Variants in ZNF28 observed in about 807,000 individuals in gnomAD.
The protein encoded by ZNF28 is zinc finger protein KOX24.
A neutral mutation model predicts 7.2 loss-of-function variants in ZNF28; 5 were observed. That is an observed-to-expected ratio of 0.70 (90% CI 0.36 to 1.46). The LOEUF (loss-of-function observed/expected upper bound fraction) is 1.46, where lower values mean the gene tolerates loss of function less well. Among genes scored for constraint, ZNF28 ranks in the 40% most tolerant of loss-of-function variants. The pLI, the probability that ZNF28 is intolerant of heterozygous loss-of-function variation, is 0.03. For synonymous variants in ZNF28, 288 were observed against 292.4 expected (o/e 0.99, Z 0.15); for missense variants, 879 against 866.6 (o/e 1.01, Z -0.18).
intron 2 of ZNF28, among the ~76,000 whole-genome samples, chr19:52,813,249 G>GAAAAAAAAAAAAAAAAAAAAAAA (rs71183837): frequency 1.6e-5 from 1 of 62,984 alleles, no homozygotes; most frequent in African/African-American, 6.1e-5. Context: ...CTTGAATGGT[G>GAAAAAAAAAAAAAAAAAAAAAAA]AAAAAAAAAA....
chr19:52,803,411 G>A (rs1415716323), intron 3 of ZNF28, among the ~76,000 whole-genome samples: 1 of 152,142 alleles, frequency 6.6e-6, no homozygotes, highest in Non-Finnish European at 1.5e-5. Flanking sequence ...GGGAGTGTCA[G>A]TTATATTGCA....
Position 52,815,113 on chromosome 19 carries a change from A to G in ZNF28, c.15+2831T>C, listed in dbSNP as rs545759814. 2.1e-5 allele frequency among the ~76,000 whole-genome samples: 3 copies of G among 144,292 alleles called. No individual in the cohort carries two copies. The South Asian group carries it at 6.9e-4, about 33-fold the overall frequency. The allele number at this position is 144,292 out of a possible 152,430, so 94.7% of individuals were successfully genotyped here. On this transcript the variant is annotated intron_variant, in intron 2 of 3. Transcript: ENST00000457749. ...TGTATATATATATTTATATATATAT[A>G]TAAAGGTTTTTAAAATATAAAAAGT... is the stretch of plus-strand genomic sequence containing the variant.
At chr19:52,809,964 G>A in intron 2 of ZNF28, 2 of 797,240 alleles carry the variant, frequency 2.5e-6, no homozygotes, top group Non-Finnish European at 4.3e-6. Flanking sequence ...AGGGGACGAT[G>A]GGAACGGCCT....
rs145963589 is a variant in ZNF28 at position 52,799,993 on chromosome 19, G to T, written c.1852C>A (p.Gln618Lys). Residue 618 changes from glutamine (Q) to lysine (K), a missense_variant, in exon 4 of 4, where the codon CAG (glutamine) becomes AAG (lysine). By Grantham distance (53) the Gln-to-Lys change is moderately conservative (BLOSUM62 1). Around this residue, in one of 2 missense-constraint regions of ZNF28, gnomAD observed 864 missense variants for 830.2 expected, o/e 1.04. Transcript: ENST00000457749. ...KCNECGKTFRQTSSLIIHRRL... is the reference protein window; with the variant it reads ...KCNECGKTFRKTSSLIIHRRL... ...CGATGGATTATAAGCGATGATGTCT[G>T]ACGGAAGGTCTTGCCACACTCATTA... The T allele has an allele frequency of 1.2e-6, 2 of 1,612,818 alleles. No individual in the cohort carries two copies. The highest frequency in any genetic ancestry group is 2.2e-5 in the South Asian group (2 of 90,750).
At chr19:52,813,661 G>C (rs1191140701) in intron 2 of ZNF28, among the ~76,000 whole-genome samples, 2 of 142,954 alleles carry the variant, frequency 1.4e-5, no homozygotes. Context: ...AGATTGCCTG[G>C]TGATCTATTT....
chr19:52,802,692 T>G (rs903877511), intron 3 of ZNF28, among the ~76,000 whole-genome samples: 2 of 151,958 alleles, frequency 1.3e-5, no homozygotes, highest in African/African-American at 4.8e-5. Flanking sequence ...AAGGAAAATG[T>G]TAATACCATA....
chr19:52,816,989 G>T (rs963011526), intron 2 of ZNF28, among the ~76,000 whole-genome samples: 8 of 152,012 alleles, frequency 5.3e-5, no homozygotes, highest in Admixed American at 2.0e-4. Context: ...CCTCTCCACA[G>T]TAACACCATA....
chr19:52,810,588 G>A (rs76034899), intron 2 of ZNF28: 29,222 of 1,563,850 alleles, frequency 0.019, 700 homozygotes, highest in African/African-American at 0.091. Context: ...GCCCGCTACC[G>A]CGCCCGACCA....
intron 1 of ZNF28, among the ~76,000 whole-genome samples, chr19:52,818,529 A>G (rs746701451): frequency 2.0e-5 from 3 of 151,964 alleles, no homozygotes; most frequent in Non-Finnish European, 4.4e-5. Flanking sequence ...CCTGGCCAAC[A>G]TGGTGAAACC....
chr19:52,810,570 T>C, intron 2 of ZNF28: 1 of 1,593,218 alleles, frequency 6.3e-7, no homozygotes, highest in East Asian at 2.2e-5. Flanking sequence ...GACCGGGGTC[T>C]TCCACGAGCC....
At chr19:52,815,274 G>A (rs1353853368) in intron 2 of ZNF28, among the ~76,000 whole-genome samples, 2 of 145,180 alleles carry the variant, frequency 1.4e-5, no homozygotes, top group Non-Finnish European at 3.0e-5. Context: ...TCAGCACTTT[G>A]GGAGGCTGAG....
chr19:52,805,636 A>G (rs2062927408), intron 3 of ZNF28: 1 of 146,286 alleles, frequency 6.8e-6, no homozygotes, highest in Non-Finnish European at 1.5e-5. Context: ...CAAAAATAAT[A>G]ATAATAAAAA....
Position 52,801,212 on chromosome 19 carries a change from T to C in ZNF28, c.633A>G (p.Arg211=), listed in dbSNP as rs755931552. The part of the protein sequence containing the change: ...LLTQKRNVHM[R]EKSFQCIESG... ...TCTCAATACATTGGAAAGATTTTTC[T>C]CTCATGTGTACATTCCGTTTTTGTG... The change falls in exon 4 of 4, where the codon AGA becomes AGG. Residue 211 remains arginine, a synonymous_variant. Coordinates refer to ENST00000457749, the MANE Select transcript of ZNF28 (RefSeq NM_006969.5). 1 of 1,614,146 alleles carries C rather than the reference T, an allele frequency of 6.2e-7. No individual in the cohort carries two copies. Among genetic ancestry groups the C allele is most frequent in the South Asian group, 1.1e-5 (1 of 91,074 alleles).
At chr19:52,803,773 A>G (rs2062902780) in intron 3 of ZNF28, among the ~76,000 whole-genome samples, 2 of 152,066 alleles carry the variant, frequency 1.3e-5, no homozygotes, top group Admixed American at 6.6e-5. Context: ...CCTGGGCAAC[A>G]TGGTGAAACC....
rs1348405059 is a variant in ZNF28, at chr19:52,809,831, CGGCGGCGGT to C, written c.16-1707_16-1699del. ...CCAGTCTGAGCGGCGAAGGCGGCGG[CGGCGGCGGT>C]GGCGGTGGTGGCAGTAGCACTGGGC... On this transcript the variant is annotated intron_variant, in intron 2 of 3. Coordinates refer to ENST00000457749, the MANE Select transcript of ZNF28 (RefSeq NM_006969.5). 188 of 554,794 alleles carry C rather than the reference CGGCGGCGGT, an allele frequency of 3.4e-4. 2 individuals are homozygous for C. The highest frequency in any genetic ancestry group is 3.1e-3 in the East Asian group (98 of 31,270). The allele number at this position is 554,794 out of a possible 1,614,324, so 34.4% of individuals were successfully genotyped here.
chr19:52,809,704 G>T lies in ZNF28; in HGVS notation c.16-1571C>A, dbSNP rs1600451057. The stretch of plus-strand genomic sequence containing the variant: ...GCCTGTAATCTCAGCTACTCGAGAG[G>T]CTGAGGCAGCAAAACGCTTTAACCC... On this transcript the variant is annotated intron_variant, in intron 2 of 3. Transcript: ENST00000457749. 13 of 386,850 alleles carry T rather than the reference G, an allele frequency of 3.4e-5. No homozygotes were observed. The East Asian group carries it at 5.2e-4, about 16-fold the overall frequency. The allele number at this position is 386,850 out of a possible 1,614,324, so 24.0% of individuals were successfully genotyped here.
intron 3 of ZNF28, among the ~76,000 whole-genome samples, chr19:52,802,747 C>G (rs1186410219): frequency 6.8e-6 from 1 of 147,140 alleles, no homozygotes; most frequent in South Asian, 2.1e-4. Context: ...CCATGTGGAA[C>G]AGGCACGTTG....
At chr19:52,801,766 GTAAATA>G in intron 3 of ZNF28, 64 bp from the exon 4 acceptor site, 1 of 1,417,550 alleles carries the variant, frequency 7.1e-7, no homozygotes, top group Non-Finnish European at 9.6e-7. Flanking sequence ...ACTGAAATGT[GTAAATA>G]TGACACAAAA....
intron 3 of ZNF28, among the ~76,000 whole-genome samples, chr19:52,802,020 A>C (rs2062878819): frequency 6.6e-6 from 1 of 152,230 alleles, no homozygotes; most frequent in African/African-American, 2.4e-5. Flanking sequence ...ACACATCACT[A>C]TCACATCAAA....
Sources: gnomAD v4.1 joint callset for allele counts (sites outside exome capture counted in the v4.1 genomes callset) on GRCh38, gnomAD v4.1.1 for gene constraint, gnomAD v4.1.1 regional missense constraint, MANE v1.5 for transcripts, NCBI Gene and HGNC (gene_info 2026-07-23, HGNC 2026-07-21) for gene names.